TMEM151B: variants seen among roughly 807,000 people sequenced by gnomAD.
The protein encoded by TMEM151B is transmembrane protein 151B.
A neutral mutation model predicts 33.0 loss-of-function variants in TMEM151B; 18 were observed. The ratio of observed to expected loss-of-function variants is 0.55; its 90% CI spans 0.38 to 0.81. The LOEUF is 0.81. TMEM151B is among the 30% of genes least tolerant of loss of function. The pLI is 0.00. For synonymous variants in TMEM151B, 354 were observed against 373.6 expected (o/e 0.95, Z 0.61); for missense variants, 672 against 843.4 (o/e 0.80, Z 2.52).
chr6:44,270,841 A>C lies in TMEM151B; in HGVS notation c.99A>C (p.Ala33=), dbSNP rs748439165. The C allele has an allele frequency of 1.9e-5, 21 of 1,123,302 alleles. No homozygotes were observed. The African/African-American group carries it at 3.4e-4, about 18-fold the overall frequency. 69.6% of individuals were successfully genotyped at this position (1,123,302 alleles called of 1,614,324 possible). ...CGGAGGAGCTCACGGCGGCGGCGGC[A>C]GCGGCGGCGGCGGACGAGGGCCCCG... ...GVSEELTAAA[A]AAAADEGPAR... is the part of the protein sequence containing the mutation. Residue 33 remains alanine, a synonymous_variant, in exon 1 of 3, where the codon GCA becomes GCC. Coordinates refer to ENST00000451188, the MANE Select transcript of TMEM151B (RefSeq NM_001137560.2).
rs1405232941 is a variant in TMEM151B at position 44,276,368 on chromosome 6, GGACGACGAGGAC to G, written c.1554_1565del (p.Asp518_Glu521del). On this transcript the variant is annotated inframe_deletion, in exon 3 of 3. Coordinates refer to ENST00000451188, the MANE Select transcript of TMEM151B (RefSeq NM_001137560.2). The stretch of plus-strand genomic sequence containing the variant: ...GGCTGTCCAGCCAGGCCAGCATGGG[GGACGACGAGGAC>G]GACGACGAGGAGGAGGCCGGGCCGC... 2.8e-5 allele frequency: 43 copies of G among 1,512,398 alleles called. No individual in the cohort carries two copies. The East Asian group carries it at 6.9e-4, about 24-fold the overall frequency. The allele number at this position is 1,512,398 out of a possible 1,614,324, so 93.7% of individuals were successfully genotyped here.
In TMEM151B at chr6:44,275,466, G is replaced by A. The variant is rs2153338199; in HGVS notation, c.640G>A (p.Val214Ile). 1.9e-6 allele frequency: 3 copies of A among 1,546,030 alleles called. No individual in the cohort carries two copies. Among genetic ancestry groups the A allele is most frequent in the Non-Finnish European group, 2.6e-6 (3 of 1,143,632 alleles). ...EAEFDYARCG[V>I]RDVSKTLVGL... ...TGAGTTCGACTACGCGCGCTGCGGCGTTCGCGACGTGTCCAAGACGCTGGT... is the reference window on the plus strand; with the variant it reads ...TGAGTTCGACTACGCGCGCTGCGGCATTCGCGACGTGTCCAAGACGCTGGT... Residue 214 changes from valine (V) to isoleucine (I), a missense_variant, in exon 3 of 3, where the codon GTT becomes ATT. Val to Ile is a conservative substitution (Grantham distance 29). Coordinates refer to ENST00000451188, the MANE Select transcript of TMEM151B (RefSeq NM_001137560.2).
chr6:44,275,811 G>A lies in TMEM151B; in HGVS notation c.985G>A (p.Val329Met), dbSNP rs1782559851. Residue 329 changes from valine (V) to methionine (M), a missense_variant, in exon 3 of 3, where the codon GTG becomes ATG. Physicochemically the swap from Val to Met is conservative, Grantham distance 21. This residue lies in a region of TMEM151B where 285 missense variants were observed against 423.1 expected (regional missense o/e 0.67). Coordinates refer to ENST00000451188, the MANE Select transcript of TMEM151B (RefSeq NM_001137560.2). ...EYRTAYAHYH[V>M]EKLFGLEGPG... is the part of the protein sequence containing the mutation. ...CCGCACGGCCTACGCGCACTACCAC[G>A]TGGAGAAGCTATTTGGCCTGGAGGG... The A allele has an allele frequency of 6.5e-7, 1 of 1,543,230 alleles. No homozygotes were observed. Among genetic ancestry groups the A allele is most frequent in the South Asian group, 1.2e-5 (1 of 83,988 alleles).
intron 1 of TMEM151B, among the ~76,000 whole-genome samples, 166 bp downstream of exon 1, chr6:44,271,043 G>T (rs1782315147): frequency 6.7e-6 from 1 of 149,932 alleles, no homozygotes. Context: ...GGCGGCCGGA[G>T]CTGTCCGCGG....
At chr6:44,272,691 G>A (rs1782414053) in intron 1 of TMEM151B, among the ~76,000 whole-genome samples, 1 of 152,128 alleles carries the variant, frequency 6.6e-6, no homozygotes, top group East Asian at 1.9e-4. Flanking sequence ...CACATCTTCT[G>A]TTTCATTGCC....
chr6:44,271,350 A>T (rs1233274871), intron 1 of TMEM151B, among the ~76,000 whole-genome samples: 8 of 82,064 alleles, frequency 9.7e-5, no homozygotes, highest in African/African-American at 4.1e-4. Context: ...GGTCATTGGG[A>T]GTGTGTGTGT....
intron 2 of TMEM151B, among the ~76,000 whole-genome samples, 179 bp downstream of exon 2, chr6:44,273,685 G>A (rs1051644562): frequency 2.0e-5 from 3 of 152,226 alleles, no homozygotes; most frequent in South Asian, 4.1e-4. Context: ...AGCAAAAACC[G>A]ACCAGGAGCC....
Position 44,270,753 on chromosome 6 carries a change from CT to C in TMEM151B, c.12del (p.Gly5AlafsTer83), listed in dbSNP as rs1169734483. On this transcript the variant is annotated frameshift_variant, in exon 1 of 3. Transcript: ENST00000451188. LOFTEE classifies it high-confidence loss of function. ...CGCCCCCTCTACGCCATGTCCCCCC[CT>C]GGCTCGGCCGCGGGAGAGAGCGCCG... Reference protein sequence around the residue: MSPPGSAAGESAAG... With the variant: MSPXGSAAGESAAG... 6 of 1,094,504 alleles carry C rather than the reference CT, an allele frequency of 5.5e-6. No homozygotes were observed. The African/African-American group carries it at 6.8e-5, about 12-fold the overall frequency. 67.8% of individuals were successfully genotyped at this position (1,094,504 alleles called of 1,614,324 possible).
chr6:44,271,784 T>C (rs893301570), intron 1 of TMEM151B, among the ~76,000 whole-genome samples: 1 of 152,206 alleles, frequency 6.6e-6, no homozygotes, highest in African/African-American at 2.4e-5. Context: ...TGCCTATTAC[T>C]GTACCCTTCT....
chr6:44,278,022 C>G lies in TMEM151B; in HGVS notation c.*1495C>G, dbSNP rs375215180. Reference sequence around the variant, plus strand: ...AGGATAACCCTTGGGCCACCCACATCTCTCACCCCTGATGCTTCTTACTTC... The same window carrying G: ...AGGATAACCCTTGGGCCACCCACATGTCTCACCCCTGATGCTTCTTACTTC... On this transcript the variant is annotated 3_prime_UTR_variant, in exon 3 of 3. Coordinates refer to ENST00000451188, the MANE Select transcript of TMEM151B (RefSeq NM_001137560.2). 2 of 153,152 alleles carry G rather than the reference C, an allele frequency of 1.3e-5. No homozygotes were observed. The highest frequency in any genetic ancestry group is 3.8e-4 in the East Asian group (2 of 5,204). 9.5% of individuals were successfully genotyped at this position (153,152 alleles called of 1,614,324 possible). A position where few individuals can be genotyped will look rare whatever the true frequency, so the allele number is the denominator to read the frequency against.
chr6:44,271,183 G>T (rs1782323477), intron 1 of TMEM151B, among the ~76,000 whole-genome samples: 1 of 151,896 alleles, frequency 6.6e-6, no homozygotes, highest in Non-Finnish European at 1.5e-5. Flanking sequence ...TGGGGACGGT[G>T]GCGGGGATCC....
At position 44,275,857 on chromosome 6, in the gene TMEM151B, C is replaced by T. The variant is rs1298012713; in HGVS notation, c.1031C>T (p.Ala344Val). 1.9e-6 allele frequency: 3 copies of T among 1,541,794 alleles called. No individual in the cohort carries two copies. The highest frequency in any genetic ancestry group is 1.7e-6 in the Non-Finnish European group (2 of 1,145,652). The change falls in exon 3 of 3, where the codon GCA becomes GTA. Residue 344 changes from alanine (A) to valine (V), a missense_variant. By Grantham distance (64) the Ala-to-Val change is moderately conservative. This residue lies in a region of TMEM151B where 324 missense variants were observed against 363.1 expected (regional missense o/e 0.89). Coordinates refer to ENST00000451188, the MANE Select transcript of TMEM151B (RefSeq NM_001137560.2). ...GLEGPGSASS[A>V]GGGLSPSDEL... The stretch of plus-strand genomic sequence containing the variant: ...GAGGGCCCGGGCTCGGCCAGCAGCG[C>T]AGGCGGTGGCCTCAGCCCCAGCGAT...
At chr6:44,271,027 C>G (rs1175295101) in intron 1 of TMEM151B, 150 bp downstream of exon 1, 5 of 478,594 alleles carry the variant, frequency 1.0e-5, no homozygotes, top group Non-Finnish European at 1.4e-5. Flanking sequence ...GCCGCCGCCC[C>G]CACCCGGCGG....
At chr6:44,272,554 C>T (rs1253230763) in intron 1 of TMEM151B, among the ~76,000 whole-genome samples, 1 of 152,128 alleles carries the variant, frequency 6.6e-6, no homozygotes, top group Admixed American at 6.5e-5. Flanking sequence ...GTGAGGGCCC[C>T]ACTTGTTAAG....
In TMEM151B at chr6:44,273,521, G is replaced by C; in HGVS notation, c.576+15G>C. On this transcript the variant is annotated intron_variant, in intron 2 of 2. Transcript: ENST00000451188. ...CCACCACCCAGGTGAGGAGCTGGTG[G>C]GGAGTGCAGGACATTCAACATGGGA... 1 of 1,530,030 alleles carries C rather than the reference G, an allele frequency of 6.5e-7. No homozygotes were observed. Among genetic ancestry groups the C allele is most frequent in the Non-Finnish European group, 8.8e-7 (1 of 1,132,746 alleles). 94.8% of individuals were successfully genotyped at this position (1,530,030 alleles called of 1,614,324 possible).
intron 2 of TMEM151B, 36 bp downstream of exon 2, chr6:44,273,542 T>G: frequency 6.6e-7 from 1 of 1,507,506 alleles, no homozygotes; most frequent in South Asian, 1.3e-5. Flanking sequence ...ACATTCAACA[T>G]GGGAGGTGGC....
chr6:44,275,378 CCGCCGCCTGCCCCCCG>C lies in TMEM151B; in HGVS notation c.577-18_577-3del. The stretch of plus-strand genomic sequence containing the variant: ...CACCAATGACGGGCTCCCCGCGACC[CCGCCGCCTGCCCCCCG>C]CGCCGCAGGTCTACCACGAACGCGT... On this transcript the variant is annotated splice_polypyrimidine_tract_variant and intron_variant, in intron 2 of 2. Transcript: ENST00000451188. 6.8e-7 allele frequency: 1 copy of C among 1,474,166 alleles called. No homozygotes were observed. 91.3% of individuals were successfully genotyped at this position (1,474,166 alleles called of 1,614,324 possible).
chr6:44,275,369 C>T, intron 2 of TMEM151B, 34 bp from the exon 3 acceptor site: 1 of 1,465,422 alleles, frequency 6.8e-7, no homozygotes, highest in East Asian at 2.5e-5. Context: ...TGACGGGCTC[C>T]CCGCGACCCC....
At position 44,270,844 on chromosome 6, in the gene TMEM151B, G is replaced by C; in HGVS notation, c.102G>C (p.Ala34=). ...VSEELTAAAA[A]AAADEGPARE... Reference sequence around the variant, plus strand: ...AGGAGCTCACGGCGGCGGCGGCAGCGGCGGCGGCGGACGAGGGCCCCGCCC... The same window carrying C: ...AGGAGCTCACGGCGGCGGCGGCAGCCGCGGCGGCGGACGAGGGCCCCGCCC... The change falls in exon 1 of 3, where the codon GCG becomes GCC. Residue 34 remains alanine, a synonymous_variant. Transcript: ENST00000451188. 9.0e-7 allele frequency: 1 copy of C among 1,116,004 alleles called. No individual in the cohort carries two copies. The highest frequency in any genetic ancestry group is 1.1e-6 in the Non-Finnish European group (1 of 915,512). 69.1% of individuals were successfully genotyped at this position (1,116,004 alleles called of 1,614,324 possible).
Sources: gnomAD v4.1 joint callset for allele counts (sites outside exome capture counted in the v4.1 genomes callset) on GRCh38, gnomAD v4.1.1 for gene constraint, gnomAD v4.1.1 regional missense constraint, MANE v1.5 for transcripts, NCBI Gene and HGNC (gene_info 2026-07-23, HGNC 2026-07-21) for gene names.